The following AKAP13 variants were observed in gnomAD, a reference collection of about 807,000 sequenced individuals.
AKAP13 encodes the protein A-kinase anchor protein 13.
Under a neutral mutation model 264.5 loss-of-function variants are expected in AKAP13, and 80 were observed. The ratio of observed to expected loss-of-function variants is 0.30; its 90% CI spans 0.25 to 0.36. The LOEUF (loss-of-function observed/expected upper bound fraction) is 0.36, where lower values mean the gene tolerates loss of function less well. Among genes scored for constraint, AKAP13 ranks in the 10% least tolerant of loss-of-function variants. The probability of loss-of-function intolerance (pLI) is 1.00; values close to 1 mark genes in which losing one functional copy is unlikely to be tolerated. For synonymous variants in AKAP13, 1,380 were observed against 1,250.2 expected (o/e 1.10, Z -2.19); for missense variants, 3,712 against 3,435.2 (o/e 1.08, Z -2.01).
At chr15:85,681,018 A>G (rs925124979) in intron 14 of AKAP13, among the ~76,000 whole-genome samples, 2 of 152,134 alleles carry the variant, frequency 1.3e-5, no homozygotes, top group African/African-American at 4.8e-5. Context: ...GGGTTTCACC[A>G]TGTTGGTCAG....
At position 85,622,771 on chromosome 15, in the gene AKAP13, T is replaced by C. The variant is rs778383701; in HGVS notation, c.4162-16603T>C. ...ATCTCATATGTAATTGATAATAGAG[T>C]GCAGTCCCAGGTTGGACTGTTTTCA... is the stretch of plus-strand genomic sequence containing the variant. On this transcript the variant is annotated intron_variant, in intron 8 of 36. Coordinates refer to ENST00000394518, the MANE Select transcript of AKAP13 (RefSeq NM_007200.5). Among the ~76,000 whole-genome samples, 34 of 152,196 alleles carry C rather than the reference T, an allele frequency of 2.2e-4. 1 individual carries two copies. The highest frequency in any genetic ancestry group is 6.2e-4 in the South Asian group (3 of 4,832).
intron 13 of AKAP13, among the ~76,000 whole-genome samples, chr15:85,666,630 C>G (rs531954901): frequency 1.3e-5 from 2 of 152,298 alleles, no homozygotes; most frequent in South Asian, 2.1e-4. Context: ...GTCACTGCAG[C>G]TTCAACTTCC....
In AKAP13 at chr15:85,466,542, G is replaced by T. The variant is rs376341471; in HGVS notation, c.-11-19168G>T. Among the ~76,000 whole-genome samples, 5 of 152,160 alleles carry T rather than the reference G, an allele frequency of 3.3e-5. No homozygotes were observed. The East Asian group carries it at 7.7e-4, about 23-fold the overall frequency. ...AATTAATTTTCGTATAAGGTGTAAG[G>T]AAGGGATCCAGTTTCAGCTTTCTAC... On this transcript the variant is annotated intron_variant, in intron 1 of 36. Coordinates refer to ENST00000394518, the MANE Select transcript of AKAP13 (RefSeq NM_007200.5).
At chr15:85,590,446 C>T (rs1296806595) in intron 8 of AKAP13, among the ~76,000 whole-genome samples, 1 of 152,190 alleles carries the variant, frequency 6.6e-6, no homozygotes, top group Non-Finnish European at 1.5e-5. Context: ...AGTAATTTTT[C>T]ATTCCTTAAC....
At chr15:85,706,556 G>A (rs753402792) in intron 17 of AKAP13, among the ~76,000 whole-genome samples, 6 of 152,178 alleles carry the variant, frequency 3.9e-5, no homozygotes, top group Admixed American at 6.5e-5. Flanking sequence ...CAGGACCTAC[G>A]TCAAATTTAG....
chr15:85,446,710 CTTTTTTTTTTTT>C (rs67306030), intron 1 of AKAP13, among the ~76,000 whole-genome samples: 28 of 124,426 alleles, frequency 2.3e-4, no homozygotes, highest in Non-Finnish European at 3.3e-4. Context: ...TTTTCTTTTT[CTTTTTTTTTTTT>C]TTTTTTGAGA....
intron 36 of AKAP13, 53 bp from the exon 37 acceptor site, chr15:85,744,575 T>G: frequency 1.9e-6 from 3 of 1,595,018 alleles, no homozygotes; most frequent in Non-Finnish European, 2.6e-6. Context: ...GGAAGTTCAA[T>G]GAAAGGAGCA....
rs1194703701 is a variant in AKAP13, at chr15:85,724,696, A to G, written c.6745+1376A>G. On this transcript the variant is annotated intron_variant, in intron 26 of 36. Transcript: ENST00000394518. The surrounding 1 kb of genome is among the most constrained non-coding windows in gnomAD (Gnocchi z 4.2). ...AGAACGGCAAGCAGGAGAGGGATAC[A>G]TGAGGTGGTTTTTCAGTATGACAAC... Among the ~76,000 whole-genome samples, 1 of 151,642 alleles carries G rather than the reference A, an allele frequency of 6.6e-6. No homozygotes were observed. Among genetic ancestry groups the G allele is most frequent in the Non-Finnish European group, 1.5e-5 (1 of 67,960 alleles).
chr15:85,668,137 G>C (rs988471021), intron 13 of AKAP13, among the ~76,000 whole-genome samples: 1 of 152,140 alleles, frequency 6.6e-6, no homozygotes, highest in Non-Finnish European at 1.5e-5. Context: ...GCCTTTCACT[G>C]AGGTCATTTT....
chr15:85,481,178 T>C (rs1242986498), intron 1 of AKAP13, among the ~76,000 whole-genome samples: 1 of 152,216 alleles, frequency 6.6e-6, no homozygotes. Flanking sequence ...TGTGGTCCTC[T>C]ATAGTGAGTG....
intron 8 of AKAP13, among the ~76,000 whole-genome samples, chr15:85,597,514 C>T (rs533436705): frequency 6.6e-6 from 1 of 152,300 alleles, no homozygotes; most frequent in African/African-American, 2.4e-5. Flanking sequence ...TCCTTACTCC[C>T]CATACATTAA....
At chr15:85,554,816 A>T (rs2078084792) in intron 5 of AKAP13, among the ~76,000 whole-genome samples, 2 of 152,202 alleles carry the variant, frequency 1.3e-5, no homozygotes, top group Admixed American at 1.3e-4. Flanking sequence ...CAAGATCACA[A>T]AGATGGTAAG....
intron 8 of AKAP13, among the ~76,000 whole-genome samples, chr15:85,613,509 G>A (rs1472834533): frequency 1.3e-5 from 2 of 151,484 alleles, no homozygotes; most frequent in African/African-American, 2.4e-5. Flanking sequence ...GTGAAACCCC[G>A]TCTCTACTAA....
At chr15:85,521,217 G>A (rs2076811698) in intron 2 of AKAP13, among the ~76,000 whole-genome samples, 1 of 152,164 alleles carries the variant, frequency 6.6e-6, no homozygotes, top group African/African-American at 2.4e-5. Context: ...AAGAGAGAGC[G>A]ATCTTATTTT....
intron 1 of AKAP13, among the ~76,000 whole-genome samples, chr15:85,481,278 G>A (rs545568026): frequency 2.6e-5 from 4 of 152,166 alleles, no homozygotes; most frequent in East Asian, 1.9e-4. Flanking sequence ...CACACCCAGC[G>A]CTGGTACATT....
intron 5 of AKAP13, among the ~76,000 whole-genome samples, chr15:85,565,044 G>T (rs1237968434): frequency 6.6e-6 from 1 of 152,148 alleles, no homozygotes; most frequent in African/African-American, 2.4e-5. Context: ...CAGGAAGATT[G>T]AAAATTTCAA....
intron 1 of AKAP13, among the ~76,000 whole-genome samples, chr15:85,386,764 CTT>C (rs915944546): frequency 1.4e-5 from 2 of 140,698 alleles, no homozygotes; most frequent in Non-Finnish European, 3.1e-5. Flanking sequence ...ACCTTTGTGC[CTT>C]TTTTTTTTTG....
intron 5 of AKAP13, among the ~76,000 whole-genome samples, chr15:85,552,378 T>C (rs563745639): frequency 3.9e-5 from 6 of 152,346 alleles, no homozygotes; most frequent in Non-Finnish European, 8.8e-5. Context: ...CTGGATTTAA[T>C]GAATCACAAA....
chr15:85,720,260 CTGTGTGTGTGTG>C (rs71141479), intron 23 of AKAP13, among the ~76,000 whole-genome samples: 2 of 150,650 alleles, frequency 1.3e-5, no homozygotes, highest in Non-Finnish European at 3.0e-5. Flanking sequence ...AAAACAAACT[CTGTGTGTGTGTG>C]TGTGTGTGTG....
Sources: allele counts gnomAD v4.1 joint callset (sites outside exome capture counted in the v4.1 genomes callset), GRCh38; gene constraint gnomAD v4.1.1; non-coding constraint Gnocchi (gnomAD v3.1); transcripts MANE v1.5; gene names NCBI Gene and HGNC (gene_info 2026-07-23, HGNC 2026-07-21).